PTPRT: variants seen among roughly 807,000 people sequenced by gnomAD.
The protein encoded by PTPRT is protein tyrosine phosphatase receptor type T.
A neutral mutation model predicts 176.8 loss-of-function variants in PTPRT; 56 were observed. The ratio of observed to expected loss-of-function variants is 0.32; its 90% confidence interval spans 0.26 to 0.40. PTPRT has a LOEUF of 0.40. PTPRT is among the 10% of genes least tolerant of loss of function. PTPRT has a pLI of 1.00. For missense variants in PTPRT, 1,540 were observed against 1,908.2 expected, an observed-to-expected ratio of 0.81 and a Z score of 3.60; for synonymous variants, 783 against 739.0, an observed-to-expected ratio of 1.06 and a Z score of -0.96.
rs112015716 is a variant in PTPRT, at chr20:42,457,892, A to G, written c.1451-9563T>C. The stretch of plus-strand genomic sequence containing the variant: ...CCATATGCCCTGGACGTAGGCTTGG[A>G]GGGGGAGCTCTCGTTCTCTGCATCA... On this transcript the variant is annotated intron_variant, in intron 8 of 30. Coordinates refer to ENST00000373187, the MANE Select transcript of PTPRT (RefSeq NM_007050.6). Among the ~76,000 whole-genome samples the G allele has an allele frequency of 4.8e-3, 726 of 152,128 alleles. 5 individuals are homozygous for G. The highest frequency in any genetic ancestry group is 0.016 in the African/African-American group (666 of 41,492).
chr20:43,100,758 T>C (rs1013274225), intron 1 of PTPRT, among the ~76,000 whole-genome samples: 1 of 152,056 alleles, frequency 6.6e-6, no homozygotes, highest in Non-Finnish European at 1.5e-5. Context: ...ATAAAAGCAC[T>C]GGGGGACACC....
At chr20:42,401,133 T>TAATAAATAAATAAATA (rs10608287) in intron 9 of PTPRT, among the ~76,000 whole-genome samples, 61 of 148,412 alleles carry the variant, frequency 4.1e-4, no homozygotes, top group Admixed American at 8.8e-4. Flanking sequence ...GTCAAAACAG[T>TAATAAATAAATAAATA]AATAAATAAA....
chr20:42,815,377 A>G (rs1233666897), intron 2 of PTPRT, among the ~76,000 whole-genome samples: 1 of 152,238 alleles, frequency 6.6e-6, no homozygotes, highest in African/African-American at 2.4e-5. Context: ...ATGAGTTTAA[A>G]GCTAAAGGGA....
At position 42,183,228 on chromosome 20, in the gene PTPRT, A is replaced by G. The variant is rs564770583; in HGVS notation, c.2491+16012T>C. Among the ~76,000 whole-genome samples the G allele has an allele frequency of 6.6e-5, 10 of 152,104 alleles. No individual in the cohort carries two copies. The South Asian group carries it at 2.1e-3, about 32-fold the overall frequency. ...GGTTCATCTTTTACCACTTAATCCT[A>G]TGGTTCTAATATTTCAAGTACTACA... On this transcript the variant is annotated intron_variant, in intron 16 of 30. Coordinates refer to ENST00000373187, the MANE Select transcript of PTPRT (RefSeq NM_007050.6).
At chr20:42,672,097 C>T (rs768790935) in intron 7 of PTPRT, among the ~76,000 whole-genome samples, 5 of 152,208 alleles carry the variant, frequency 3.3e-5, no homozygotes, top group African/African-American at 4.8e-5. Context: ...TGAGTGTCAA[C>T]TTGATTGGAT....
chr20:42,188,801 T>A (rs910790395), intron 16 of PTPRT, among the ~76,000 whole-genome samples: 2 of 152,214 alleles, frequency 1.3e-5, no homozygotes, highest in African/African-American at 2.4e-5. Context: ...CAAGATGTAG[T>A]GGCCTAGGAT....
intron 11 of PTPRT, among the ~76,000 whole-genome samples, chr20:42,343,754 G>C (rs576261316): frequency 2.6e-5 from 4 of 152,300 alleles, no homozygotes; most frequent in African/African-American, 7.2e-5. Flanking sequence ...CCAGCACTTC[G>C]CATGTAGTAG....
intron 2 of PTPRT, among the ~76,000 whole-genome samples, chr20:42,809,408 G>A (rs2077662203): frequency 6.6e-6 from 1 of 152,190 alleles, no homozygotes; most frequent in Non-Finnish European, 1.5e-5. Context: ...GGGTGAGAAG[G>A]GCACTGAGAT....
At chr20:42,671,106 A>G (rs1965372938) in intron 7 of PTPRT, among the ~76,000 whole-genome samples, 1 of 152,096 alleles carries the variant, frequency 6.6e-6, no homozygotes, top group Non-Finnish European at 1.5e-5. Context: ...TGGTGTCCCT[A>G]TCTCTTGTCA....
intron 7 of PTPRT, among the ~76,000 whole-genome samples, chr20:42,495,702 G>A (rs2071641377): frequency 6.6e-6 from 1 of 152,114 alleles, no homozygotes; most frequent in Non-Finnish European, 1.5e-5. Context: ...GAAAATACAG[G>A]TTAAAATATA....
At chr20:43,143,205 C>T (rs904328065) in intron 1 of PTPRT, among the ~76,000 whole-genome samples, 6 of 152,172 alleles carry the variant, frequency 3.9e-5, no homozygotes, top group East Asian at 3.9e-4. Flanking sequence ...AATCCCCCTA[C>T]CTGATCTTCC....
chr20:42,562,449 T>C (rs1213111490), intron 7 of PTPRT, among the ~76,000 whole-genome samples: 2 of 152,246 alleles, frequency 1.3e-5, no homozygotes, highest in African/African-American at 2.4e-5. Flanking sequence ...TCCCTTTCTG[T>C]TGATAAATAG....
intron 7 of PTPRT, among the ~76,000 whole-genome samples, chr20:42,538,461 T>A (rs1433907611): frequency 6.6e-6 from 1 of 152,184 alleles, no homozygotes; most frequent in African/African-American, 2.4e-5. Flanking sequence ...AGAGGGAACT[T>A]ATTTTTCAGT....
chr20:42,683,641 T>G (rs987722021), intron 6 of PTPRT, among the ~76,000 whole-genome samples: 1 of 152,224 alleles, frequency 6.6e-6, no homozygotes, highest in Non-Finnish European at 1.5e-5. Flanking sequence ...GACGACTTAC[T>G]TTCGTGTAGC....
At chr20:42,718,668 G>A (rs531439454) in intron 6 of PTPRT, among the ~76,000 whole-genome samples, 6 of 152,096 alleles carry the variant, frequency 3.9e-5, no homozygotes, top group African/African-American at 1.4e-4. Flanking sequence ...TCAAAAACAG[G>A]GAAAATAATT....
At chr20:43,117,119 G>A (rs916031276) in intron 1 of PTPRT, among the ~76,000 whole-genome samples, 20 of 152,114 alleles carry the variant, frequency 1.3e-4, no homozygotes, top group African/African-American at 3.9e-4. Flanking sequence ...AGAGACATGC[G>A]CTGCTTCTTA....
At chr20:42,612,403 TCA>T (rs1481867175) in intron 7 of PTPRT, among the ~76,000 whole-genome samples, 2 of 152,154 alleles carry the variant, frequency 1.3e-5, no homozygotes, top group Admixed American at 6.5e-5. Context: ...CTTCTGTGAG[TCA>T]CAGCCTCAAC....
intron 15 of PTPRT, among the ~76,000 whole-genome samples, chr20:42,204,047 C>A (rs1244917310): frequency 6.6e-6 from 1 of 152,094 alleles, no homozygotes; most frequent in East Asian, 1.9e-4. Context: ...AATTTGGAGT[C>A]TAGAAAAGAT....
At chr20:42,200,111 G>C (rs1291310706) in intron 15 of PTPRT, among the ~76,000 whole-genome samples, 2 of 151,504 alleles carry the variant, frequency 1.3e-5, no homozygotes, top group East Asian at 3.9e-4. Flanking sequence ...AGTAGGACAG[G>C]ACCTAGAATT....
Sources: gnomAD v4.1 joint callset for allele counts (sites outside exome capture counted in the v4.1 genomes callset) on GRCh38, gnomAD v4.1.1 for gene constraint, MANE v1.5 for transcripts, NCBI Gene and HGNC (gene_info 2026-07-23, HGNC 2026-07-21) for gene names.